Variants in PHB2 observed in about 807,000 individuals in gnomAD.
The protein encoded by PHB2 is prohibitin 2.
Under a neutral mutation model 46.4 loss-of-function variants are expected in PHB2, and 22 were observed. That is an observed-to-expected ratio of 0.47 (90% confidence interval 0.34 to 0.68). The LOEUF is 0.68. Among genes scored for constraint, PHB2 ranks in the 30% least tolerant of loss-of-function variants. The pLI is 0.01. For missense variants in PHB2, 305 were observed against 382.8 expected, an observed-to-expected ratio of 0.80 and a Z score of 1.70; for synonymous variants, 156 against 150.5, an observed-to-expected ratio of 1.04 and a Z score of -0.27.
At chr12:6,966,567 C>T (rs1180074534) in intron 7 of PHB2, 67 bp from the exon 8 acceptor site, 2 of 958,542 alleles carry the variant, frequency 2.1e-6, no homozygotes, top group East Asian at 2.4e-5. Context: ...CCCTGCAATT[C>T]AGCAGCTACT....
chr12:6,967,572 C>T lies in PHB2; in HGVS notation c.711+104G>A, dbSNP rs377524763. ...CAACAAGGAGCCAAGGGCCAGAGAG[C>T]ACGGAGTCGCATTCGCCTTAGTCTC... On this transcript the variant is annotated intron_variant, in intron 6 of 9. Transcript: ENST00000535923. The surrounding 1 kb of genome is among the most constrained non-coding windows in gnomAD (Gnocchi z 4.9). The T allele has an allele frequency of 2.0e-6, 2 of 1,008,580 alleles. No individual in the cohort carries two copies. The highest frequency in any genetic ancestry group is 3.1e-6 in the Non-Finnish European group (2 of 635,532). The allele number at this position is 1,008,580 out of a possible 1,614,324, so 62.5% of individuals were successfully genotyped here.
chr12:6,968,556 C>T lies in PHB2; in HGVS notation c.332G>A (p.Arg111Gln). 2.5e-6 allele frequency: 4 copies of T among 1,613,724 alleles called. No individual in the cohort carries two copies. The highest frequency in any genetic ancestry group is 2.2e-5 in the East Asian group (1 of 44,888). Residue 111 changes from arginine (R) to glutamine (Q), a missense_variant, in exon 4 of 10, where the codon CGA becomes CAA. By Grantham distance (43) the Arg-to-Gln change is conservative. This residue lies in a region of PHB2 where 241 missense variants were observed against 302.7 expected (regional missense o/e 0.80). Transcript: ENST00000535923. The part of the protein sequence containing the change: ...MVNISLRVLS[R>Q]PNAQELPSMY... ...GCTAGGAAGCTCCTGAGCATTGGGT[C>T]GAGACAACACTCGCAGGGAGATATT... is the stretch of plus-strand genomic sequence containing the variant.
chr12:6,966,281 G>A (rs1946210043), intron 8 of PHB2, 143 bp downstream of exon 8: 4 of 650,388 alleles, frequency 6.2e-6, no homozygotes, highest in Middle Eastern at 4.1e-4. Context: ...ATGCAAGATA[G>A]AAACTGTCAA....
rs1555150660 is a variant in PHB2 at position 6,965,696 on chromosome 12, C to T, written c.889G>A (p.Gly297Ser). ...CTTGGTGACTAGGCTCATTTCTTAC[C>T]CTTGATGAGGCTGTCACTGTAGGAA... Reference protein sequence around the residue: ...FTRGSDSLIKGKK With the variant: ...FTRGSDSLIKSKK Residue 297 changes from glycine (G) to serine (S), a missense_variant, in exon 10 of 10, where the codon GGT becomes AGT. Transcript: ENST00000535923. 1 of 1,612,212 alleles carries T rather than the reference C, an allele frequency of 6.2e-7. No individual in the cohort carries two copies. Among genetic ancestry groups the T allele is most frequent in the African/African-American group, 1.3e-5 (1 of 74,916 alleles).
Position 6,970,598 on chromosome 12 carries a change from C to G in PHB2, c.-55G>C. On this transcript the variant is annotated 5_prime_UTR_variant, in exon 1 of 10. Transcript: ENST00000535923. ...GTCAGAAGGGGGTGCCGGCCCGCCT[C>G]TACCCCGCTCCGGCTTAGGTACTGC... The G allele has an allele frequency of 1.3e-6, 2 of 1,548,996 alleles. No individual in the cohort carries two copies. The highest frequency in any genetic ancestry group is 1.7e-6 in the Non-Finnish European group (2 of 1,152,640).
intron 4 of PHB2, 32 bp from the exon 5 acceptor site, chr12:6,968,053 G>C (rs782253805): frequency 6.4e-7 from 1 of 1,564,110 alleles, no homozygotes; most frequent in South Asian, 1.2e-5. Flanking sequence ...GGAAGGGAGG[G>C]GTGGTTTGAG....
intron 2 of PHB2, chr12:6,969,836 T>G: frequency 3.9e-6 from 2 of 511,702 alleles, no homozygotes; most frequent in Non-Finnish European, 7.1e-6. Context: ...GAGGCGGAGG[T>G]TGCAGTGAGC....
chr12:6,966,719 CAGG>C (rs1565589414), intron 7 of PHB2, among the ~76,000 whole-genome samples: 1 of 152,136 alleles, frequency 6.6e-6, no homozygotes, highest in East Asian at 1.9e-4. Context: ...TCATTCTTGA[CAGG>C]AGGAGTATCG....
chr12:6,969,943 G>A (rs1395641656), intron 2 of PHB2: 8 of 687,646 alleles, frequency 1.2e-5, no homozygotes, highest in African/African-American at 8.8e-5. Flanking sequence ...AGCCTTGCCC[G>A]GTTTCCCCTC....
In PHB2 at chr12:6,968,590, G is replaced by T; in HGVS notation, c.298C>A (p.Gln100Lys). Residue 100 changes from glutamine to lysine, a missense_variant, in exon 4 of 10, where the codon CAG becomes AAG. Physicochemically the swap from Gln to Lys is moderately conservative, Grantham distance 53. Around this residue, in one of 3 missense-constraint regions of PHB2, gnomAD observed 241 missense variants for 302.7 expected, o/e 0.80. Transcript: ENST00000535923. Reference protein sequence around the residue: ...ISSPTGSKDLQMVNISLRVLS... With the variant: ...ISSPTGSKDLKMVNISLRVLS... ...ACTCGCAGGGAGATATTCACCATCT[G>T]TAGGTCTGAGATTGAGGTCAGCAGT... 6.2e-7 allele frequency: 1 copy of T among 1,613,382 alleles called. No homozygotes were observed. Among genetic ancestry groups the T allele is most frequent in the Non-Finnish European group, 8.5e-7 (1 of 1,179,606 alleles).
At chr12:6,968,895 T>C (rs1345767531) in intron 3 of PHB2, among the ~76,000 whole-genome samples, 2 of 152,236 alleles carry the variant, frequency 1.3e-5, no homozygotes, top group Admixed American at 1.3e-4. Flanking sequence ...TAATCATGTC[T>C]CCTGTAAGGA....
intron 2 of PHB2, 97 bp downstream of exon 2, chr12:6,970,099 G>T (rs1565591522): frequency 2.2e-6 from 2 of 921,210 alleles, no homozygotes; most frequent in Admixed American, 1.7e-5. Flanking sequence ...GGTGGGAAAA[G>T]AGCAGCGTTG....
At chr12:6,968,154 G>A in intron 4 of PHB2, 133 bp from the exon 5 acceptor site, 1 of 861,712 alleles carries the variant, frequency 1.2e-6, no homozygotes, top group East Asian at 2.7e-5. Context: ...AGGCAAACCT[G>A]TAACATAAGC....
intron 8 of PHB2, 144 bp from the exon 9 acceptor site, chr12:6,966,060 G>C (rs782103964): frequency 1.2e-6 from 1 of 855,888 alleles, no homozygotes; most frequent in East Asian, 2.6e-5. Context: ...GGAATCTCAG[G>C]CTCATGAAAG....
At position 6,967,927 on chromosome 12, in the gene PHB2, C is replaced by G. The variant is rs371492548; in HGVS notation, c.572G>C (p.Arg191Pro). The G allele has an allele frequency of 1.2e-6, 2 of 1,613,810 alleles. No individual in the cohort carries two copies. Among genetic ancestry groups the G allele is most frequent in the Non-Finnish European group, 1.7e-6 (2 of 1,179,844 alleles). The part of the protein sequence containing the change: ...DVAITELSFS[R>P]EYTAAVEAKQ... ...GGCTTCTACAGCAGCTGTGTACTCTCGGCTAAAGCTCAGCTCTGTGATGGC... is the reference window on the plus strand; with the variant it reads ...GGCTTCTACAGCAGCTGTGTACTCTGGGCTAAAGCTCAGCTCTGTGATGGC... The change falls in exon 5 of 10, where the codon CGA becomes CCA. Residue 191 changes from arginine (R) to proline (P), a missense_variant. By Grantham distance (103) the Arg-to-Pro change is moderately radical. Around this residue, in one of 3 missense-constraint regions of PHB2, gnomAD observed 241 missense variants for 302.7 expected, o/e 0.80. Transcript: ENST00000535923. The surrounding 1 kb of genome is among the most constrained non-coding windows in gnomAD (Gnocchi z 4.9).
At position 6,970,228 on chromosome 12, in the gene PHB2, C is replaced by T. The variant is rs782749002; in HGVS notation, c.180G>A (p.Gln60=). 1.2e-6 allele frequency: 2 copies of T among 1,613,846 alleles called. No homozygotes were observed. ...IFFNRIGGVQ[Q]DTILAEGLHF... ...GAAGGCCCTCGGCCAGGATAGTGTC[C>T]TGCTGCACTCCACCGATCCGATTGA... The change falls in exon 2 of 10, where the codon CAG becomes CAA. Residue 60 remains glutamine, a synonymous_variant. Coordinates refer to ENST00000535923, the MANE Select transcript of PHB2 (RefSeq NM_001144831.2).
chr12:6,969,469 C>A, intron 3 of PHB2, 29 bp downstream of exon 3: 1 of 1,299,108 alleles, frequency 7.7e-7, no homozygotes. Flanking sequence ...ATCCCACCTG[C>A]CATGTGATTA....
At chr12:6,965,827 G>C in intron 9 of PHB2, 84 bp downstream of exon 9, 1 of 1,574,126 alleles carries the variant, frequency 6.4e-7, no homozygotes. Flanking sequence ...GTTTGTCTTC[G>C]GGGAGGTGGG....
chr12:6,967,296 C>G lies in PHB2; in HGVS notation c.712-48G>C. On this transcript the variant is annotated intron_variant, in intron 6 of 9. Coordinates refer to ENST00000535923, the MANE Select transcript of PHB2 (RefSeq NM_001144831.2). This position sits in a 1 kb window ranked among gnomAD's most constrained non-coding sequence, Gnocchi z 4.9. ...CAAGGGCAGGTCTCAATCCCTGGCCCTGTCCTTACCACACTCCCTTGCTCC... is the reference window on the plus strand; with the variant it reads ...CAAGGGCAGGTCTCAATCCCTGGCCGTGTCCTTACCACACTCCCTTGCTCC... 6.2e-7 allele frequency: 1 copy of G among 1,611,892 alleles called. No homozygotes were observed.
Sources: allele counts gnomAD v4.1 joint callset (sites outside exome capture counted in the v4.1 genomes callset), GRCh38; gene constraint gnomAD v4.1.1; regional missense constraint gnomAD v4.1.1; non-coding constraint Gnocchi (gnomAD v3.1); transcripts MANE v1.5; gene names NCBI Gene and HGNC (gene_info 2026-07-23, HGNC 2026-07-21).